Variants in BCORL1 observed in about 807,000 individuals in gnomAD.
BCORL1 encodes BCL6 corepressor like 1, also known as BCL-6 corepressor-like protein 1.
BCORL1 carries 7 observed loss-of-function variants against 87.6 expected under a neutral mutation model. The ratio of observed to expected loss-of-function variants is 0.08; its 90% CI spans 0.05 to 0.15. The LOEUF is 0.15. Among genes scored for constraint, BCORL1 ranks in the 10% least tolerant of loss-of-function variants. BCORL1 has a pLI of 1.00. For missense variants in BCORL1, 1,215 were observed against 1,499.7 expected (o/e 0.81, Z 3.13); for synonymous variants, 591 against 634.4 (o/e 0.93, Z 1.03).
intron 1 of BCORL1, among the ~76,000 whole-genome samples, chrX:129,995,294 C>G (rs1381594974): frequency 2.7e-5 from 3 of 111,121 alleles, no homozygotes; most frequent in Non-Finnish European, 5.7e-5. Context: ...GCATGAGCCA[C>G]CACGTCTGGC....
chrX:129,987,014 G>A (rs920321167), intron 1 of BCORL1, among the ~76,000 whole-genome samples: 1 of 111,414 alleles, frequency 9.0e-6, no homozygotes, highest in African/African-American at 3.3e-5. Context: ...AAGTCAGGAA[G>A]AGGGCTGGTT....
rs185540227 is a variant in BCORL1, at chrX:129,993,914, A to C, written c.-45+11152A>C. 4.9e-4 allele frequency among the ~76,000 whole-genome samples: 41 copies of C among 84,534 alleles called. No individual in the cohort carries two copies. The East Asian group carries it at 9.7e-3, about 20-fold the overall frequency. 73.4% of individuals were successfully genotyped at this position (84,534 alleles called of 115,157 possible). On this transcript the variant is annotated intron_variant, in intron 1 of 13. Coordinates refer to ENST00000540052, the MANE Select transcript of BCORL1 (RefSeq NM_001379451.1). ...ATTCTGCTGCCTCAGCCTCCCGAGT[A>C]GCTGGGATTACAGATGCCCCCCCAC... is the stretch of plus-strand genomic sequence containing the variant.
chrX:129,983,988 G>C (rs1163860988), intron 1 of BCORL1, among the ~76,000 whole-genome samples: 1 of 108,532 alleles, frequency 9.2e-6, no homozygotes, highest in Non-Finnish European at 1.9e-5. Context: ...CCCCACCCCG[G>C]GTCCTAAGGG....
intron 11 of BCORL1, among the ~76,000 whole-genome samples, chrX:130,045,208 A>G (rs1931671083): frequency 8.9e-6 from 1 of 112,264 alleles, no homozygotes; most frequent in Non-Finnish European, 1.9e-5. Flanking sequence ...AGAAGAGAGC[A>G]ATATCCAAGC....
In BCORL1 at chrX:130,034,486, G is replaced by GATCTCCCAA. The variant is rs1477622779; in HGVS notation, c.4346_4354dup (p.Lys1449_Pro1451dup). On this transcript the variant is annotated inframe_insertion, in exon 9 of 14. Transcript: ENST00000540052. ...GGTCGTTGGAGCCAGCAGAAGACAC[G>GATCTCCCAA]ATCTCCCAAATCTCCCACCCCAGTG... is the stretch of plus-strand genomic sequence containing the variant. 52 of 980,824 alleles carry GATCTCCCAA rather than the reference G, an allele frequency of 5.3e-5. No individual in the cohort carries two copies. The highest frequency in any genetic ancestry group is 1.2e-4 in the Admixed American group (4 of 32,681). 80.8% of individuals were successfully genotyped at this position (980,824 alleles called of 1,213,427 possible). A position where few individuals can be genotyped will look rare whatever the true frequency, so the allele number is the denominator to read the frequency against.
At chrX:129,984,833 G>A (rs146852038) in intron 1 of BCORL1, among the ~76,000 whole-genome samples, 9,817 of 111,478 alleles carry the variant, frequency 0.088, 473 homozygotes, top group Middle Eastern at 0.2. Flanking sequence ...CTATGTTTTT[G>A]TTTTATTGTT....
intron 1 of BCORL1, among the ~76,000 whole-genome samples, chrX:129,984,181 C>CGCCGCCGCCGCTGCT (rs1926392533): frequency 9.7e-6 from 1 of 102,668 alleles, no homozygotes; most frequent in Non-Finnish European, 2.0e-5. Context: ...CCGCCGCTGC[C>CGCCGCCGCCGCTGCT]GCCGCCGCCG....
chrX:129,991,250 G>T (rs1283007607), intron 1 of BCORL1, among the ~76,000 whole-genome samples: 1 of 111,505 alleles, frequency 9.0e-6, no homozygotes, highest in Non-Finnish European at 1.9e-5. Context: ...CTGAGTAGCT[G>T]GGATTATAGG....
chrX:130,051,949 T>C lies in BCORL1; in HGVS notation c.5008T>C (p.Phe1670Leu). 1 of 1,209,666 alleles carries C rather than the reference T, an allele frequency of 8.3e-7. No homozygotes were observed. The highest frequency in any genetic ancestry group is 1.8e-5 in the South Asian group (1 of 56,757). The change falls in exon 13 of 14, where the codon TTC (phenylalanine) becomes CTC (leucine). Residue 1670 changes from phenylalanine to leucine, a missense_variant. Physicochemically the swap from Phe to Leu is conservative, Grantham distance 22. This residue lies in a region of BCORL1 where 129 missense variants were observed against 157.5 expected (regional missense o/e 0.82). Coordinates refer to ENST00000540052, the MANE Select transcript of BCORL1 (RefSeq NM_001379451.1). Reference sequence around the variant, plus strand: ...AGACGATCCGATGGAGGAGGATGATTTCATGTTTGAACTCTCAGACAAGCC... The same window carrying C: ...AGACGATCCGATGGAGGAGGATGATCTCATGTTTGAACTCTCAGACAAGCC... ...EGDDPMEEDD[F>L]MFELSDKPLL...
At chrX:130,000,590 C>T (rs1162429203) in intron 1 of BCORL1, among the ~76,000 whole-genome samples, 1 of 112,119 alleles carries the variant, frequency 8.9e-6, no homozygotes, top group African/African-American at 3.2e-5. Flanking sequence ...GAGAACCAGA[C>T]AGATGTTATA....
At position 130,035,677 on chromosome X, in the gene BCORL1, C is replaced by T. The variant is rs777798656; in HGVS notation, c.4527+1001C>T. Among the ~76,000 whole-genome samples, 20 of 111,880 alleles carry T rather than the reference C, an allele frequency of 1.8e-4. No individual in the cohort carries two copies. The South Asian group carries it at 1.9e-3, about 10-fold the overall frequency. On this transcript the variant is annotated intron_variant, in intron 9 of 13. Transcript: ENST00000540052. ...CTAGTGTGCGTGCCTGGATAGCTGC[C>T]GAGGGAGACCTAAAACAAAAATCAA...
intron 1 of BCORL1, among the ~76,000 whole-genome samples, chrX:129,999,738 G>A (rs1027144038): frequency 5.0e-5 from 5 of 99,700 alleles, no homozygotes; most frequent in Non-Finnish European, 8.3e-5. Flanking sequence ...GCAGTGGTGC[G>A]ATCTTGGCTC....
At chrX:130,033,134 C>T (rs113420256) in intron 8 of BCORL1, among the ~76,000 whole-genome samples, 10,063 of 103,508 alleles carry the variant, frequency 0.097, 1,405 homozygotes, top group African/African-American at 0.34. Context: ...CAGGCTGGAG[C>T]GCAGTGCCGC....
chrX:129,991,556 G>A (rs1927157065), intron 1 of BCORL1, among the ~76,000 whole-genome samples: 1 of 108,339 alleles, frequency 9.2e-6, no homozygotes, highest in Non-Finnish European at 1.9e-5. Flanking sequence ...TGCCCAGGCT[G>A]TTCTTAAACT....
chrX:130,056,175 T>G lies in BCORL1; in HGVS notation c.*39T>G, dbSNP rs1932379618. On this transcript the variant is annotated 3_prime_UTR_variant, in exon 14 of 14. Coordinates refer to ENST00000540052, the MANE Select transcript of BCORL1 (RefSeq NM_001379451.1). ...CCCTCCTCTTCTTTCTCCTTCCGAG[T>G]TCGCCCTTCCCCCACCTCCTTGTCT... The G allele has an allele frequency of 9.0e-7, 1 of 1,110,676 alleles. No individual in the cohort carries two copies. The highest frequency in any genetic ancestry group is 1.2e-6 in the Non-Finnish European group (1 of 842,541). 91.5% of individuals were successfully genotyped at this position (1,110,676 alleles called of 1,213,427 possible).
rs766458162 is a variant in BCORL1, at chrX:130,013,117, G to A, written c.345G>A (p.Leu115=). The change falls in exon 4 of 14, where the codon CTG becomes CTA. Residue 115 remains leucine (L), a synonymous_variant. Coordinates refer to ENST00000540052, the MANE Select transcript of BCORL1 (RefSeq NM_001379451.1). ...VAEAEGLLVP[L]SSPGDGLKLP... is the part of the protein sequence containing the mutation. ...AGGCTGAGGGCCTCTTGGTGCCCCTGAGCAGCCCAGGAGACGGGCTCAAGC... is the reference window on the plus strand; with the variant it reads ...AGGCTGAGGGCCTCTTGGTGCCCCTAAGCAGCCCAGGAGACGGGCTCAAGC... 2.3e-5 allele frequency: 28 copies of A among 1,208,954 alleles called. No homozygotes were observed. The South Asian group carries it at 4.2e-4, about 18-fold the overall frequency.
intron 1 of BCORL1, among the ~76,000 whole-genome samples, chrX:129,999,000 C>T (rs1407430053): frequency 1.8e-5 from 2 of 109,311 alleles, no homozygotes; most frequent in Non-Finnish European, 3.8e-5. Flanking sequence ...TCTACGTGGT[C>T]ATAACATGTG....
rs1283447755 is a variant in BCORL1, at chrX:130,025,347, A to C, written c.4046A>C (p.Gln1349Pro). 5 of 1,155,380 alleles carry C rather than the reference A, an allele frequency of 4.3e-6. No homozygotes were observed. The highest frequency in any genetic ancestry group is 5.8e-6 in the Non-Finnish European group (5 of 869,446). Residue 1349 changes from glutamine to proline, a missense_variant, in exon 7 of 14, where the codon CAA becomes CCA. This residue lies in a region of BCORL1 where 166 missense variants were observed against 196.5 expected (regional missense o/e 0.84). Transcript: ENST00000540052. ...KYQTGEYLTE[Q>P]EDEQRRKGRA... Reference sequence around the variant, plus strand: ...CAGACTGGGGAGTACCTGACAGAGCAAGAAGACGAGCAGCGGCGGAAAGGG... The same window carrying C: ...CAGACTGGGGAGTACCTGACAGAGCCAGAAGACGAGCAGCGGCGGAAAGGG...
Position 130,015,175 on chromosome X carries a change from A to T in BCORL1, c.2403A>T (p.Glu801Asp), listed in dbSNP as rs974010419. ...APGLPGCQTK[E>D]LSLWKPTGPA... ...GGCTGCCAGGGTGCCAAACCAAGGA[A>T]CTCTCTTTGTGGAAACCCACGGGGC... Residue 801 changes from glutamate (E) to aspartate (D), a missense_variant, in exon 4 of 14, where the codon GAA becomes GAT. Around this residue, in one of 5 missense-constraint regions of BCORL1, gnomAD observed 861 missense variants for 1,010.0 expected, o/e 0.85. Coordinates refer to ENST00000540052, the MANE Select transcript of BCORL1 (RefSeq NM_001379451.1). 1.7e-6 allele frequency: 2 copies of T among 1,210,093 alleles called. No individual in the cohort carries two copies. Among genetic ancestry groups the T allele is most frequent in the African/African-American group, 3.5e-5 (2 of 57,227 alleles).
Sources: allele counts gnomAD v4.1 joint callset (sites outside exome capture counted in the v4.1 genomes callset), GRCh38; gene constraint gnomAD v4.1.1; regional missense constraint gnomAD v4.1.1; transcripts MANE v1.5; gene names NCBI Gene and HGNC (gene_info 2026-07-23, HGNC 2026-07-21).